The following SPTAN1 variants were observed in gnomAD, a reference collection of about 807,000 sequenced individuals.
The protein encoded by SPTAN1 is spectrin alpha, non-erythrocytic 1, also known as spectrin alpha chain, non-erythrocytic 1.
In SPTAN1, 61 loss-of-function variants were observed where a neutral mutation model predicts 331.3. The ratio of observed to expected loss-of-function variants is 0.18; its 90% CI spans 0.15 to 0.23. The LOEUF is 0.23. SPTAN1 is among the 10% of genes least tolerant of loss of function. SPTAN1 has a pLI of 1.00. For synonymous variants in SPTAN1, 1,153 were observed against 1,173.9 expected (o/e 0.98, Z 0.36); for missense variants, 2,043 against 3,147.9 (o/e 0.65, Z 8.40).
intron 12 of SPTAN1, among the ~76,000 whole-genome samples, chr9:128,582,220 C>A (rs971098943): frequency 5.9e-5 from 9 of 152,144 alleles, no homozygotes; most frequent in African/African-American, 2.2e-4. Flanking sequence ...CTGTGTTTGA[C>A]CCCTGCCAGG....
intron 22 of SPTAN1, among the ~76,000 whole-genome samples, chr9:128,592,314 A>T (rs1853644846): frequency 6.7e-6 from 1 of 148,570 alleles, no homozygotes; most frequent in South Asian, 2.1e-4. Flanking sequence ...TCGCTCTGTC[A>T]TCCAGACTGG....
rs1443426195 is a variant in SPTAN1, at chr9:128,627,995, C to T, written c.6707+53C>T. 1.2e-6 allele frequency: 2 copies of T among 1,612,182 alleles called. No homozygotes were observed. Among genetic ancestry groups the T allele is most frequent in the East Asian group, 2.2e-5 (1 of 44,864 alleles). On this transcript the variant is annotated intron_variant, in intron 51 of 56. Transcript: ENST00000372739. This position sits in a 1 kb window ranked among gnomAD's most constrained non-coding sequence, Gnocchi z 4.9. ...GCTTGTCATGTGGGGGTCTCGTGCG[C>T]TTGCCCCTCGTGGCCTGGCTTGTGG... is the stretch of plus-strand genomic sequence containing the variant.
rs1242804149 is a variant in SPTAN1 at position 128,577,672 on chromosome 9, G to A, written c.1085+166G>A. Among the ~76,000 whole-genome samples, 1 of 152,190 alleles carries A rather than the reference G, an allele frequency of 6.6e-6. No homozygotes were observed. The highest frequency in any genetic ancestry group is 2.4e-5 in the African/African-American group (1 of 41,452). On this transcript the variant is annotated intron_variant, in intron 8 of 56. Transcript: ENST00000372739. This position sits in a 1 kb window ranked among gnomAD's most constrained non-coding sequence, Gnocchi z 4.2. ...TCTCTCTGTTTGGAGACTGGCAACT[G>A]TATCATGTGTAGTATACGTATGGTA...
chr9:128,633,083 ATGGACAGAAGTCCCGGATC>A (rs1381284734), intron 56 of SPTAN1, 107 bp from the exon 57 acceptor site: 94 of 1,592,496 alleles, frequency 5.9e-5, no homozygotes, highest in Admixed American at 1.5e-4. Context: ...CAAACTCAGT[ATGGACAGAAGTCCCGGATC>A]TGCTTGTAGA....
chr9:128,618,538 C>T (rs1462133431), intron 43 of SPTAN1, among the ~76,000 whole-genome samples: 20 of 152,046 alleles, frequency 1.3e-4, no homozygotes, highest in Admixed American at 1.3e-3. Flanking sequence ...GGCTGGAGTG[C>T]AGTGGCACAA....
In SPTAN1 at chr9:128,625,259, A is replaced by G; in HGVS notation, c.6069+80A>G. On this transcript the variant is annotated intron_variant, in intron 47 of 56. Transcript: ENST00000372739. The surrounding 1 kb of genome is among the most constrained non-coding windows in gnomAD (Gnocchi z 4.1). ...GACTGGTGGCGTCTTTCACTGAGGC[A>G]TTTATCTTCTGTTAGCCCCTGGGGA... 2.1e-6 allele frequency: 3 copies of G among 1,403,850 alleles called. No individual in the cohort carries two copies. The highest frequency in any genetic ancestry group is 3.0e-6 in the Non-Finnish European group (3 of 994,584). The allele number at this position is 1,403,850 out of a possible 1,614,324, so 87.0% of individuals were successfully genotyped here. A position where few individuals can be genotyped will look rare whatever the true frequency, so the allele number is the denominator to read the frequency against.
At chr9:128,612,404 T>C (rs1450544485) in intron 39 of SPTAN1, among the ~76,000 whole-genome samples, 158 bp downstream of exon 39, 4 of 152,268 alleles carry the variant, frequency 2.6e-5, no homozygotes, top group South Asian at 2.1e-4. Flanking sequence ...GTAAGGGATT[T>C]ATGAGCAAAG....
chr9:128,626,316 C>T (rs945162491), intron 48 of SPTAN1, 75 bp from the exon 49 acceptor site: 38 of 1,571,812 alleles, frequency 2.4e-5, no homozygotes, highest in Non-Finnish European at 2.7e-5. Context: ...GGAACCACCC[C>T]GCACCCCACC....
At chr9:128,614,486 A>T (rs536532548) in intron 40 of SPTAN1, among the ~76,000 whole-genome samples, 2 of 151,714 alleles carry the variant, frequency 1.3e-5, no homozygotes, top group South Asian at 4.2e-4. Flanking sequence ...GCTACTTGGG[A>T]GGCTGAGGCA....
intron 27 of SPTAN1, among the ~76,000 whole-genome samples, chr9:128,602,348 C>CT (rs1855281548): frequency 6.6e-6 from 1 of 151,702 alleles, no homozygotes; most frequent in East Asian, 1.9e-4. Context: ...TCCCGTGTAG[C>CT]TAGGATTACA....
chr9:128,555,408 C>T (rs551932814), intron 1 of SPTAN1: 6 of 1,289,220 alleles, frequency 4.7e-6, no homozygotes, highest in African/African-American at 1.5e-5. Flanking sequence ...AGGTATTTGA[C>T]GAGCATGCAG....
chr9:128,614,184 G>A (rs1051168447), intron 40 of SPTAN1, among the ~76,000 whole-genome samples: 2 of 152,052 alleles, frequency 1.3e-5, no homozygotes, highest in African/African-American at 4.8e-5. Flanking sequence ...GTCAGGTACA[G>A]TGGCTCACAC....
chr9:128,608,494 A>G (rs1158067773), intron 34 of SPTAN1, among the ~76,000 whole-genome samples: 1 of 152,248 alleles, frequency 6.6e-6, no homozygotes, highest in Non-Finnish European at 1.5e-5. Flanking sequence ...AGGGATGGAA[A>G]ACAAATGTGT....
chr9:128,570,950 C>T (rs995627925), intron 3 of SPTAN1, among the ~76,000 whole-genome samples: 2 of 152,124 alleles, frequency 1.3e-5, no homozygotes, highest in African/African-American at 4.8e-5. Context: ...CATGAGCCGC[C>T]GCTCCTGGCC....
intron 10 of SPTAN1, among the ~76,000 whole-genome samples, 172 bp downstream of exon 10, chr9:128,579,910 C>T (rs1851736943): frequency 6.6e-6 from 1 of 152,158 alleles, no homozygotes; most frequent in African/African-American, 2.4e-5. Flanking sequence ...GTGCTGATTT[C>T]CTGAGAGACA....
At chr9:128,575,374 A>G in intron 5 of SPTAN1, 29 bp downstream of exon 5, 1 of 1,606,186 alleles carries the variant, frequency 6.2e-7, no homozygotes, top group Non-Finnish European at 8.5e-7. Flanking sequence ...TATGCTTCTC[A>G]CAACATTATT....
chr9:128,585,722 A>G (rs1339537843), intron 18 of SPTAN1, 26 bp from the exon 19 acceptor site: 1 of 1,600,110 alleles, frequency 6.2e-7, no homozygotes, highest in East Asian at 2.2e-5. Context: ...AGTTTTTGTT[A>G]TCCTCTTTCC....
intron 10 of SPTAN1, among the ~76,000 whole-genome samples, chr9:128,580,297 A>T (rs1564217485): frequency 6.6e-6 from 1 of 150,890 alleles, no homozygotes; most frequent in Non-Finnish European, 1.5e-5. Context: ...AAAATAAATA[A>T]ATAAAAATAA....
chr9:128,581,766 T>C lies in SPTAN1; in HGVS notation c.1462-16T>C, dbSNP rs745928422. 7 of 1,594,878 alleles carry C rather than the reference T, an allele frequency of 4.4e-6. No individual in the cohort carries two copies. The highest frequency in any genetic ancestry group is 2.7e-5 in the African/African-American group (2 of 74,566). On this transcript the variant is annotated splice_polypyrimidine_tract_variant and intron_variant, in intron 11 of 56. Coordinates refer to ENST00000372739, the MANE Select transcript of SPTAN1 (RefSeq NM_001130438.3). The stretch of plus-strand genomic sequence containing the variant: ...GAATAGGACATTATTCTGAACACTT[T>C]GTTTCCTTTGGCAAGGCGTTCCTGT...
Sources: gnomAD v4.1 joint callset for allele counts (sites outside exome capture counted in the v4.1 genomes callset) on GRCh38, gnomAD v4.1.1 for gene constraint, Gnocchi (gnomAD v3.1) non-coding constraint, MANE v1.5 for transcripts, NCBI Gene and HGNC (gene_info 2026-07-23, HGNC 2026-07-21) for gene names.